Variants in EPHA5 observed in about 807,000 individuals in gnomAD.
EPHA5 encodes the protein ephrin type-A receptor 5.
In EPHA5, 60 loss-of-function variants were observed where a neutral mutation model predicts 105.0. That is an observed-to-expected ratio of 0.57 (90% confidence interval 0.46 to 0.71). The LOEUF is 0.71. EPHA5 is among the 30% of genes least tolerant of loss of function. The pLI is 0.00. For missense variants in EPHA5, 1,218 were observed against 1,274.7 expected (o/e 0.96, Z 0.68); for synonymous variants, 513 against 449.1 (o/e 1.14, Z -1.80).
chr4:65,465,557 A>G (rs530200179), intron 5 of EPHA5, among the ~76,000 whole-genome samples: 7 of 138,850 alleles, frequency 5.0e-5, no homozygotes, highest in African/African-American at 1.8e-4. Context: ...AAAGGAAGGA[A>G]AGGAAGGAAA....
chr4:65,644,220 C>CACA (rs1428643386), intron 1 of EPHA5, among the ~76,000 whole-genome samples: 1 of 144,128 alleles, frequency 6.9e-6, no homozygotes, highest in Non-Finnish European at 1.6e-5. Flanking sequence ...ACACACACAC[C>CACA]CCCATGCACA....
intron 11 of EPHA5, among the ~76,000 whole-genome samples, chr4:65,356,626 A>G (rs779486464): frequency 2.6e-5 from 4 of 151,574 alleles, no homozygotes; most frequent in African/African-American, 4.8e-5. Context: ...GAGAAAGATG[A>G]TAAGGACCTA....
intron 8 of EPHA5, among the ~76,000 whole-genome samples, chr4:65,387,649 C>T (rs920642525): frequency 6.6e-6 from 1 of 151,754 alleles, no homozygotes; most frequent in Non-Finnish European, 1.5e-5. Flanking sequence ...ACAGTATGTA[C>T]GTTTGGAACA....
chr4:65,627,876 C>A (rs1325157005), intron 2 of EPHA5, among the ~76,000 whole-genome samples: 1 of 152,012 alleles, frequency 6.6e-6, no homozygotes, highest in Non-Finnish European at 1.5e-5. Flanking sequence ...ACCATCATGT[C>A]ATATTTCAAA....
chr4:65,523,954 G>A (rs6841640), intron 3 of EPHA5, among the ~76,000 whole-genome samples: 34,446 of 151,612 alleles, frequency 0.23, 4,062 homozygotes, highest in African/African-American at 0.28. Flanking sequence ...AAGCTTAGAT[G>A]TAAATATCAA....
intron 3 of EPHA5, among the ~76,000 whole-genome samples, chr4:65,538,377 C>T (rs1408317498): frequency 6.6e-6 from 1 of 151,670 alleles, no homozygotes; most frequent in African/African-American, 2.4e-5. Flanking sequence ...TATGGATGCA[C>T]ATTTAATATA....
chr4:65,632,925 A>G (rs2149494034), intron 2 of EPHA5, among the ~76,000 whole-genome samples: 1 of 152,170 alleles, frequency 6.6e-6, no homozygotes, highest in South Asian at 2.1e-4. Context: ...ATTTGTGGAA[A>G]ACACCAGAAG....
intron 5 of EPHA5, among the ~76,000 whole-genome samples, chr4:65,440,343 A>T (rs1261743976): frequency 6.6e-6 from 1 of 152,108 alleles, no homozygotes; most frequent in Non-Finnish European, 1.5e-5. Context: ...ATATGGCCAT[A>T]AAACAGGACA....
chr4:65,416,820 C>T (rs556868898), intron 6 of EPHA5, among the ~76,000 whole-genome samples: 3 of 152,234 alleles, frequency 2.0e-5, no homozygotes, highest in Admixed American at 6.5e-5. Context: ...TCAAAACCAA[C>T]GAATACACAT....
At chr4:65,384,424 A>G (rs949502532) in intron 8 of EPHA5, among the ~76,000 whole-genome samples, 3 of 151,982 alleles carry the variant, frequency 2.0e-5, no homozygotes, top group African/African-American at 4.8e-5. Flanking sequence ...TTAGAACCTA[A>G]TAACTGCAAA....
intron 8 of EPHA5, among the ~76,000 whole-genome samples, chr4:65,381,849 C>A (rs1334011918): frequency 1.3e-5 from 2 of 151,738 alleles, no homozygotes; most frequent in African/African-American, 2.4e-5. Flanking sequence ...TATAAAGACA[C>A]AGCAAGAAGG....
In EPHA5 at chr4:65,420,552, G is replaced by A. The variant is rs2149037399; in HGVS notation, c.1416C>T (p.Val472=). The A allele has an allele frequency of 6.2e-7, 1 of 1,612,710 alleles. No homozygotes were observed. The highest frequency in any genetic ancestry group is 8.5e-7 in the Non-Finnish European group (1 of 1,179,388). Residue 472 remains valine, a synonymous_variant, in exon 6 of 17, where the codon GTC becomes GTT. Coordinates refer to ENST00000613740, the MANE Select transcript of EPHA5 (RefSeq NM_001281766.3). The part of the protein sequence containing the change: ...VTTNQAAPSP[V]TNVKKGKIAK... ...CAATTTTCCCTTTTTTCACATTGGT[G>A]ACTGGAGATGGAGCTGCAAAATAGT... is the stretch of plus-strand genomic sequence containing the variant.
chr4:65,596,681 A>ACAC (rs112783438), intron 3 of EPHA5, among the ~76,000 whole-genome samples: 115 of 150,588 alleles, frequency 7.6e-4, no homozygotes, highest in African/African-American at 2.7e-3. Flanking sequence ...ACAAAAGCAG[A>ACAC]ACACACACAC....
chr4:65,429,196 C>A (rs1433343446), intron 5 of EPHA5, among the ~76,000 whole-genome samples: 1 of 151,976 alleles, frequency 6.6e-6, no homozygotes, highest in Non-Finnish European at 1.5e-5. Context: ...CTATATCTAG[C>A]AGATAGCGTG....
intron 8 of EPHA5, among the ~76,000 whole-genome samples, chr4:65,389,950 A>C (rs758088446): frequency 3.9e-5 from 6 of 151,918 alleles, no homozygotes; most frequent in Non-Finnish European, 8.8e-5. Context: ...TCTGCATGGA[A>C]GTAGGGGTGT....
chr4:65,647,828 A>G (rs1748257270), intron 1 of EPHA5, among the ~76,000 whole-genome samples: 1 of 152,186 alleles, frequency 6.6e-6, no homozygotes, highest in Admixed American at 6.6e-5. Flanking sequence ...AAGGCTGATT[A>G]TCCAGGAGAA....
At chr4:65,331,060 T>C (rs186401132) in intron 16 of EPHA5, 6 of 920,258 alleles carry the variant, frequency 6.5e-6, no homozygotes, top group East Asian at 5.8e-5. Context: ...GTTCATATCA[T>C]GTGTACAAAT....
chr4:65,405,724 C>T (rs559312376), intron 7 of EPHA5, among the ~76,000 whole-genome samples: 1 of 151,916 alleles, frequency 6.6e-6, no homozygotes, highest in Non-Finnish European at 1.5e-5. Flanking sequence ...ATAGTATTAC[C>T]CTGTTTTCTC....
intron 3 of EPHA5, among the ~76,000 whole-genome samples, chr4:65,589,129 G>A (rs1560740119): frequency 6.6e-6 from 1 of 152,072 alleles, no homozygotes; most frequent in East Asian, 1.9e-4. Context: ...GTATGAACTG[G>A]TTTCTAACAT....
Sources: gnomAD v4.1 joint callset for allele counts (sites outside exome capture counted in the v4.1 genomes callset) on GRCh38, gnomAD v4.1.1 for gene constraint, MANE v1.5 for transcripts, NCBI Gene and HGNC (gene_info 2026-07-23, HGNC 2026-07-21) for gene names.